The following MEF2B variants were observed in gnomAD, a reference collection of about 807,000 sequenced individuals.
MEF2B encodes the protein myocyte-specific enhancer factor 2B.
MEF2B carries 15 observed loss-of-function variants against 32.2 expected under a neutral mutation model. The observed-to-expected ratio is 0.47, with a 90% CI of 0.31 to 0.72. The LOEUF (loss-of-function observed/expected upper bound fraction) is 0.72, where lower values mean the gene tolerates loss of function less well. Among genes scored for constraint, MEF2B ranks in the 30% least tolerant of loss-of-function variants. The probability of loss-of-function intolerance (pLI) is 0.05; values close to 1 mark genes in which losing one functional copy is unlikely to be tolerated. For missense variants in MEF2B, 441 were observed against 511.5 expected (o/e 0.86, Z 1.33); for synonymous variants, 205 against 225.6 (o/e 0.91, Z 0.82).
chr19:19,163,533 GC>G (rs2060183158), intron 1 of MEF2B, among the ~76,000 whole-genome samples: 1 of 152,046 alleles, frequency 6.6e-6, no homozygotes, highest in South Asian at 2.1e-4. Context: ...TGAGCATCTC[GC>G]CCTGCCGGCT....
chr19:19,146,099 C>T (rs2060023325), intron 8 of MEF2B, 77 bp from the exon 9 acceptor site: 1 of 1,264,526 alleles, frequency 7.9e-7, no homozygotes, highest in South Asian at 1.7e-5. Context: ...ACAGCGTGGG[C>T]AAAGGCTTGG....
At chr19:19,148,334 G>A (rs760853917) in intron 3 of MEF2B, among the ~76,000 whole-genome samples, 3 of 152,184 alleles carry the variant, frequency 2.0e-5, no homozygotes, top group Admixed American at 6.5e-5. Context: ...GCATGGTGGC[G>A]TATGCCTGTG....
intron 1 of MEF2B, among the ~76,000 whole-genome samples, chr19:19,155,410 G>T (rs1330542656): frequency 1.3e-5 from 2 of 152,094 alleles, no homozygotes; most frequent in Non-Finnish European, 2.9e-5. Context: ...AGATTCCATG[G>T]CATTGGGGGT....
intron 1 of MEF2B, among the ~76,000 whole-genome samples, chr19:19,153,521 ATCT>A (rs1254966470): frequency 1.3e-5 from 2 of 152,024 alleles, no homozygotes; most frequent in Non-Finnish European, 2.9e-5. Context: ...CAGTGGCATG[ATCT>A]TGGCTCACTG....
At chr19:19,149,755 G>A (rs771710519) in intron 2 of MEF2B, among the ~76,000 whole-genome samples, 6 of 138,586 alleles carry the variant, frequency 4.3e-5, no homozygotes, top group Non-Finnish European at 7.6e-5. Context: ...TGGGGTTCCA[G>A]TCATCAGGGA....
At chr19:19,149,119 A>G in intron 3 of MEF2B, 107 bp downstream of exon 3, 2 of 1,417,608 alleles carry the variant, frequency 1.4e-6, no homozygotes, top group Non-Finnish European at 1.9e-6. Flanking sequence ...CGTCAGCCAC[A>G]AAGCCAGATG....
At position 19,145,979 on chromosome 19, in the gene MEF2B, C is replaced by G. The variant is rs2060021890; in HGVS notation, c.925G>C (p.Ala309Pro). ...LGEEGPPTRGASPPTPPVSIK... is the reference protein window; with the variant it reads ...LGEEGPPTRGPSPPTPPVSIK... Reference sequence around the variant, plus strand: ...CTGACTGGGGGGGTCGGCGGGGAGGCGCCGCGGGTTGGGGGACCCTCCTCG... The same window carrying G: ...CTGACTGGGGGGGTCGGCGGGGAGGGGCCGCGGGTTGGGGGACCCTCCTCG... The change falls in exon 9 of 9, where the codon GCC (alanine) becomes CCC (proline). Residue 309 changes from alanine (A) to proline (P), a missense_variant. Coordinates refer to ENST00000424583, the MANE Select transcript of MEF2B (RefSeq NM_001145785.2). This position sits in a 1 kb window ranked among gnomAD's most constrained non-coding sequence, Gnocchi z 4.6. 1 of 1,431,916 alleles carries G rather than the reference C, an allele frequency of 7.0e-7. No individual in the cohort carries two copies. The highest frequency in any genetic ancestry group is 1.5e-5 in the South Asian group (1 of 66,678). The allele number at this position is 1,431,916 out of a possible 1,614,324, so 88.7% of individuals were successfully genotyped here. A position where few individuals can be genotyped will look rare whatever the true frequency, so the allele number is the denominator to read the frequency against.
intron 1 of MEF2B, among the ~76,000 whole-genome samples, chr19:19,155,479 T>C (rs549408803): frequency 6.6e-6 from 1 of 152,294 alleles, no homozygotes; most frequent in South Asian, 2.1e-4. Context: ...GGGCCAGGAA[T>C]GGACAGTAAG....
intron 1 of MEF2B, among the ~76,000 whole-genome samples, chr19:19,166,916 T>C (rs909526406): frequency 2.6e-5 from 4 of 151,520 alleles, no homozygotes; most frequent in African/African-American, 9.7e-5. Context: ...AATAAATAAA[T>C]AAGTGGGCCA....
chr19:19,150,746 T>G lies in MEF2B; in HGVS notation c.-11A>C. 1 of 1,614,048 alleles carries G rather than the reference T, an allele frequency of 6.2e-7. No individual in the cohort carries two copies. The highest frequency in any genetic ancestry group is 8.5e-7 in the Non-Finnish European group (1 of 1,180,008). ...TTTTTTCCTCCCCATCGTCCCAGGC[T>G]GAGTGGAATGATCTTTGTCTAGGAG... On this transcript the variant is annotated 5_prime_UTR_variant, in exon 2 of 9. Coordinates refer to ENST00000424583, the MANE Select transcript of MEF2B (RefSeq NM_001145785.2).
intron 1 of MEF2B, among the ~76,000 whole-genome samples, chr19:19,166,578 A>AG (rs1819481584): frequency 1.1e-5 from 1 of 89,104 alleles, no homozygotes; most frequent in African/African-American, 4.3e-5. Context: ...CAACATAGGG[A>AG]GACCCCCCCA....
At chr19:19,162,623 G>A (rs529651478) in intron 1 of MEF2B, among the ~76,000 whole-genome samples, 51 of 152,264 alleles carry the variant, frequency 3.3e-4, no homozygotes, top group African/African-American at 1.2e-3. Flanking sequence ...GAGGCCCAGT[G>A]GGGAGCCCTC....
chr19:19,168,268 C>CTTTTT (rs1050853160), intron 1 of MEF2B, among the ~76,000 whole-genome samples: 7 of 99,014 alleles, frequency 7.1e-5, no homozygotes, highest in Admixed American at 2.2e-4. Context: ...TTTCTTTCTT[C>CTTTTT]TTTTTTTTTT....
Position 19,149,236 on chromosome 19 carries a change from TCA to T in MEF2B, c.246_247del (p.Asp83HisfsTer21). On this transcript the variant is annotated frameshift_variant, in exon 3 of 9. Transcript: ENST00000424583. LOFTEE classifies it high-confidence loss of function. ...GAGGACCTGGGGTACCTCGAGGATG[TCA>T]GTGTTGGTGCGGCTCTCGTGGGGCT... 1 of 1,613,834 alleles carries T rather than the reference TCA, an allele frequency of 6.2e-7. No homozygotes were observed. The highest frequency in any genetic ancestry group is 1.7e-4 in the Middle Eastern group (1 of 6,014).
chr19:19,162,517 A>G (rs991017230), intron 1 of MEF2B, among the ~76,000 whole-genome samples: 1 of 152,138 alleles, frequency 6.6e-6, no homozygotes, highest in African/African-American at 2.4e-5. Flanking sequence ...TTGAATGGGT[A>G]GTGTTTGAAT....
chr19:19,161,605 C>T (rs1432511783), intron 1 of MEF2B, among the ~76,000 whole-genome samples: 2 of 151,946 alleles, frequency 1.3e-5, no homozygotes, highest in African/African-American at 4.8e-5. Flanking sequence ...TGCACAGACA[C>T]ATACAGATCT....
At chr19:19,154,426 T>G (rs1024793075) in intron 1 of MEF2B, among the ~76,000 whole-genome samples, 1 of 152,148 alleles carries the variant, frequency 6.6e-6, no homozygotes, top group African/African-American at 2.4e-5. Context: ...CCTCCCAAAG[T>G]GCTGGGATTA....
chr19:19,150,645 T>C, intron 2 of MEF2B, 37 bp downstream of exon 2: 1 of 1,613,572 alleles, frequency 6.2e-7, no homozygotes, highest in Non-Finnish European at 8.5e-7. Flanking sequence ...CTGCTAGGAA[T>C]GTCTTTCCCA....
intron 1 of MEF2B, among the ~76,000 whole-genome samples, chr19:19,169,264 G>C (rs1473177056): frequency 6.6e-6 from 1 of 151,644 alleles, no homozygotes; most frequent in Non-Finnish European, 1.5e-5. Context: ...TGAGGGAGGA[G>C]AATTGTTTGA....
Sources: allele counts gnomAD v4.1 joint callset (sites outside exome capture counted in the v4.1 genomes callset), GRCh38; gene constraint gnomAD v4.1.1; non-coding constraint Gnocchi (gnomAD v3.1); transcripts MANE v1.5; gene names NCBI Gene and HGNC (gene_info 2026-07-23, HGNC 2026-07-21).